Variants in ERCC6L2 observed in about 807,000 individuals in gnomAD.
ERCC6L2 encodes the protein DNA excision repair protein ERCC-6-like 2.
A neutral mutation model predicts 132.0 loss-of-function variants in ERCC6L2; 77 were observed. That is an observed-to-expected ratio of 0.58 (90% CI 0.49 to 0.71). The LOEUF is 0.71. ERCC6L2 is among the 30% of genes least tolerant of loss of function. The probability of loss-of-function intolerance (pLI) is 0.00; values close to 1 mark genes in which losing one functional copy is unlikely to be tolerated. For synonymous variants in ERCC6L2, 583 were observed against 632.4 expected (o/e 0.92, Z 1.17); for missense variants, 1,542 against 1,837.6 (o/e 0.84, Z 2.94).
chr9:95,996,826 CAA>C (rs969790305), intron 17 of ERCC6L2, among the ~76,000 whole-genome samples: 34 of 152,262 alleles, frequency 2.2e-4, no homozygotes, highest in East Asian at 3.9e-4. Context: ...TCTAGTCACC[CAA>C]GAGAGAGATG....
rs1158807342 is a variant in ERCC6L2, at chr9:96,014,496, TTA to T, written c.*1295_*1296del. 6.6e-6 allele frequency: 1 copy of T among 152,228 alleles called. No individual in the cohort carries two copies. Among genetic ancestry groups the T allele is most frequent in the Non-Finnish European group, 1.5e-5 (1 of 68,042 alleles). The allele number at this position is 152,228 out of a possible 1,614,324, so 9.4% of individuals were successfully genotyped here. On this transcript the variant is annotated 3_prime_UTR_variant, in exon 19 of 19. Transcript: ENST00000653738. Reference sequence around the variant, plus strand: ...GTTTTGCCCTAGAGAATTGTAAAATTTATGTCATGACTCAGTACATATGTGTT... The same window carrying T: ...GTTTTGCCCTAGAGAATTGTAAAATTTGTCATGACTCAGTACATATGTGTT...
chr9:96,012,687 T>C lies in ERCC6L2; in HGVS notation c.4137T>C (p.Thr1379=). Residue 1379 remains threonine, a synonymous_variant, in exon 19 of 19, where the codon ACT becomes ACC. Coordinates refer to ENST00000653738, the MANE Select transcript of ERCC6L2 (RefSeq NM_020207.7). Reference sequence around the variant, plus strand: ...AAAACAGCCAGGCATCCGAAGATACTGTGACATCCCGTTCTCTGAACAGTG... The same window carrying C: ...AAAACAGCCAGGCATCCGAAGATACCGTGACATCCCGTTCTCTGAACAGTG... ...SGKNSQASED[T]VTSRSLNSES... is the part of the protein sequence containing the mutation. The C allele has an allele frequency of 7.3e-7, 1 of 1,367,608 alleles. No homozygotes were observed. Among genetic ancestry groups the C allele is most frequent in the Non-Finnish European group, 9.8e-7 (1 of 1,021,858 alleles). The allele number at this position is 1,367,608 out of a possible 1,614,324, so 84.7% of individuals were successfully genotyped here.
At position 96,018,056 on chromosome 9, in the gene ERCC6L2, G is replaced by A. The variant is rs555349699; in HGVS notation, c.*4853G>A. ...GATTAGTCAGATTCATAGAGACAAA[G>A]TAGAATGGTGGTTGCTAGACGCTGG... On this transcript the variant is annotated 3_prime_UTR_variant, in exon 19 of 19. Coordinates refer to ENST00000653738, the MANE Select transcript of ERCC6L2 (RefSeq NM_020207.7). Among the ~76,000 whole-genome samples, 11 of 152,296 alleles carry A rather than the reference G, an allele frequency of 7.2e-5. No individual in the cohort carries two copies. The East Asian group carries it at 1.2e-3, about 16-fold the overall frequency.
At position 95,948,386 on chromosome 9, in the gene ERCC6L2, C is replaced by T. The variant is rs117885320; in HGVS notation, c.1847+6837C>T. 4.2e-3 allele frequency among the ~76,000 whole-genome samples: 635 copies of T among 152,328 alleles called. 10 individuals carry two copies. The highest frequency in any genetic ancestry group is 0.035 in the East Asian group (181 of 5,190). On this transcript the variant is annotated intron_variant, in intron 12 of 18. Coordinates refer to ENST00000653738, the MANE Select transcript of ERCC6L2 (RefSeq NM_020207.7). The stretch of plus-strand genomic sequence containing the variant: ...ACTTTAATGAGGTCAGGCACAGTGG[C>T]TCATGCCTGTAATCCCAACATTTTG...
chr9:96,028,891 C>G (rs1166350754), intron 19 of ERCC6L2, among the ~76,000 whole-genome samples: 2 of 152,180 alleles, frequency 1.3e-5, no homozygotes, highest in Non-Finnish European at 2.9e-5. Context: ...AAACTATCTT[C>G]AACCTTAGGC....
rs1554763610 is a variant in ERCC6L2 at position 96,015,027 on chromosome 9, T to TTTTA, written c.*1827_*1828insATTT. On this transcript the variant is annotated 3_prime_UTR_variant, in exon 19 of 19. Coordinates refer to ENST00000653738, the MANE Select transcript of ERCC6L2 (RefSeq NM_020207.7). ...TCATATATGTACAGTTTTTTTTTTT[T>TTTTA]TTTTTTTTTTTTTGAGATTGAGTCT... is the stretch of plus-strand genomic sequence containing the variant. 1.4e-4 allele frequency among the ~76,000 whole-genome samples: 17 copies of TTTTA among 122,898 alleles called. 2 individuals are homozygous for TTTTA. The highest frequency in any genetic ancestry group is 6.5e-4 in the African/African-American group (17 of 26,214). The allele number at this position is 122,898 out of a possible 152,430, so 80.6% of individuals were successfully genotyped here.
downstream of ERCC6L2, among the ~76,000 whole-genome samples, chr9:96,019,237 C>G (rs1444592042): frequency 6.6e-6 from 1 of 152,168 alleles, no homozygotes; most frequent in Non-Finnish European, 1.5e-5. Flanking sequence ...ATAGCTAATT[C>G]ATATTTTCTC....
intron 19 of ERCC6L2, chr9:96,025,984 A>C (rs916038147): frequency 6.6e-6 from 1 of 152,298 alleles, no homozygotes; most frequent in African/African-American, 2.4e-5. Flanking sequence ...TGATAGAAGC[A>C]GTGAAGGTCT....
intron 17 of ERCC6L2, among the ~76,000 whole-genome samples, chr9:95,993,211 A>G (rs962781566): frequency 6.6e-6 from 1 of 152,106 alleles, no homozygotes; most frequent in African/African-American, 2.4e-5. Flanking sequence ...AATCTCCCCA[A>G]ATGGAAAGAG....
intron 19 of ERCC6L2, among the ~76,000 whole-genome samples, chr9:96,026,384 C>T (rs1305622930): frequency 6.6e-6 from 1 of 152,088 alleles, no homozygotes; most frequent in Admixed American, 6.5e-5. Context: ...GGCGCGGATC[C>T]CAGGAGGTGG....
At chr9:95,988,037 C>T (rs368885777) in intron 17 of ERCC6L2, among the ~76,000 whole-genome samples, 20 of 152,284 alleles carry the variant, frequency 1.3e-4, no homozygotes, top group East Asian at 5.8e-4. Context: ...ATGGCTAGAG[C>T]GGCTAGGACA....
intron 19 of ERCC6L2, among the ~76,000 whole-genome samples, chr9:96,024,323 A>T (rs1439953882): frequency 1.3e-5 from 2 of 152,254 alleles, no homozygotes; most frequent in Non-Finnish European, 2.9e-5. Flanking sequence ...AGCAGAGTGA[A>T]TGAAGGGAAG....
intron 18 of ERCC6L2, chr9:96,004,915 C>A: frequency 3.0e-6 from 1 of 335,658 alleles, no homozygotes; most frequent in Non-Finnish European, 5.8e-6. Context: ...TCATGTTATA[C>A]AAAGAAATGA....
intron 11 of ERCC6L2, among the ~76,000 whole-genome samples, chr9:95,931,870 T>C (rs1271276958): frequency 6.6e-6 from 1 of 152,034 alleles, no homozygotes; most frequent in African/African-American, 2.4e-5. Flanking sequence ...GGAAAATGCT[T>C]TTTTATTATT....
chr9:95,925,087 TG>T (rs1830045064), intron 9 of ERCC6L2, among the ~76,000 whole-genome samples: 1 of 152,204 alleles, frequency 6.6e-6, no homozygotes, highest in South Asian at 2.1e-4. Flanking sequence ...AAAAGATCTT[TG>T]TTTAGCTTGT....
intron 19 of ERCC6L2, among the ~76,000 whole-genome samples, chr9:96,026,312 C>G (rs912184469): frequency 2.0e-5 from 3 of 152,200 alleles, no homozygotes; most frequent in African/African-American, 7.2e-5. Flanking sequence ...TCTGGGGCCC[C>G]CTGTTGGCAG....
At chr9:95,956,935 C>T (rs1439857364) in intron 13 of ERCC6L2, among the ~76,000 whole-genome samples, 3 of 152,130 alleles carry the variant, frequency 2.0e-5, no homozygotes, top group Non-Finnish European at 4.4e-5. Context: ...CTACATGTGC[C>T]ATCACATGAA....
intron 12 of ERCC6L2, 149 bp downstream of exon 12, chr9:95,941,698 C>G: frequency 1.6e-6 from 1 of 609,492 alleles, no homozygotes; most frequent in East Asian, 2.8e-5. Flanking sequence ...CTGACCTTCT[C>G]AATCCAAATA....
intron 16 of ERCC6L2, among the ~76,000 whole-genome samples, chr9:95,977,188 C>T (rs1832708657): frequency 6.6e-6 from 1 of 151,912 alleles, no homozygotes; most frequent in African/African-American, 2.4e-5. Context: ...AAATTTTCTG[C>T]CATGAAGGTT....
Sources: gnomAD v4.1 joint callset for allele counts (sites outside exome capture counted in the v4.1 genomes callset) on GRCh38, gnomAD v4.1.1 for gene constraint, MANE v1.5 for transcripts, NCBI Gene and HGNC (gene_info 2026-07-23, HGNC 2026-07-21) for gene names.